Variants in CAPS2 observed in about 807,000 individuals in gnomAD.
The protein encoded by CAPS2 is calcyphosin-2.
A neutral mutation model predicts 86.5 loss-of-function variants in CAPS2; 98 were observed. The ratio of observed to expected loss-of-function variants is 1.13; its 90% CI spans 0.96 to 1.34. The LOEUF (loss-of-function observed/expected upper bound fraction) is 1.34, where lower values mean the gene tolerates loss of function less well. Ranked by LOEUF, CAPS2 falls within the 40% of genes most tolerant of loss-of-function variation. CAPS2 has a pLI of 0.00. For synonymous variants in CAPS2, 210 were observed against 225.1 expected (o/e 0.93, Z 0.60); for missense variants, 729 against 686.8 (o/e 1.06, Z -0.69).
intron 8 of CAPS2, among the ~76,000 whole-genome samples, chr12:75,300,543 C>G (rs4882686): frequency 0.21 from 24,976 of 118,754 alleles, 2,680 homozygotes; most frequent in South Asian, 0.42. Context: ...GCGACAGAGC[C>G]AGACTCCGTC....
upstream of CAPS2, among the ~76,000 whole-genome samples, chr12:75,328,561 T>C (rs2041003321): frequency 6.6e-6 from 1 of 152,168 alleles, no homozygotes; most frequent in South Asian, 2.1e-4. Context: ...GGGTAGTAAA[T>C]ATTTTGTTAA....
intron 1 of CAPS2, among the ~76,000 whole-genome samples, chr12:75,357,904 T>C (rs2043257351): frequency 6.8e-6 from 1 of 146,260 alleles, no homozygotes; most frequent in Non-Finnish European, 1.5e-5. Context: ...AAAAGAACAG[T>C]CTCCAGTCAA....
intron 1 of CAPS2, among the ~76,000 whole-genome samples, chr12:75,379,182 A>T (rs1020270145): frequency 1.3e-5 from 2 of 152,214 alleles, no homozygotes; most frequent in Non-Finnish European, 2.9e-5. Flanking sequence ...TTTAAAATTT[A>T]AAATTTTTTT....
intron 1 of CAPS2, among the ~76,000 whole-genome samples, chr12:75,387,904 C>A (rs2045373066): frequency 6.6e-6 from 1 of 152,162 alleles, no homozygotes; most frequent in East Asian, 1.9e-4. Context: ...TAGTTATGAT[C>A]CAGCAATCAT....
chr12:75,321,681 A>T, intron 4 of CAPS2, 105 bp from the exon 5 acceptor site: 1 of 784,888 alleles, frequency 1.3e-6, no homozygotes, highest in South Asian at 1.6e-5. Flanking sequence ...TTCCTTAAAA[A>T]TGACCATTAT....
intron 14 of CAPS2, among the ~76,000 whole-genome samples, chr12:75,285,702 G>C (rs922916427): frequency 1.3e-5 from 2 of 151,678 alleles, no homozygotes; most frequent in Non-Finnish European, 3.0e-5. Flanking sequence ...TAGATATATA[G>C]ATATGTGTGT....
intron 2 of CAPS2, among the ~76,000 whole-genome samples, chr12:75,323,831 TTATC>T (rs529450015): frequency 4.6e-5 from 7 of 152,220 alleles, no homozygotes; most frequent in South Asian, 2.1e-4. Flanking sequence ...GCTCTAGAGA[TTATC>T]TATGTATCTA....
chr12:75,312,793 T>A (rs1314554306), intron 7 of CAPS2, 55 bp downstream of exon 7: 2 of 1,052,364 alleles, frequency 1.9e-6, no homozygotes, highest in African/African-American at 1.6e-5. Flanking sequence ...TGCATGAAAA[T>A]AAATTTAATG....
At chr12:75,313,718 T>C (rs953677221) in intron 6 of CAPS2, among the ~76,000 whole-genome samples, 1 of 152,218 alleles carries the variant, frequency 6.6e-6, no homozygotes, top group Non-Finnish European at 1.5e-5. Flanking sequence ...TAAATTACTG[T>C]CATCCCCATT....
chr12:75,315,738 C>T (rs2039689302), intron 6 of CAPS2, among the ~76,000 whole-genome samples: 1 of 152,102 alleles, frequency 6.6e-6, no homozygotes, highest in Admixed American at 6.6e-5. Context: ...ACTTGGGTTT[C>T]TGGGGTGGTC....
At chr12:75,367,855 A>G (rs1449639551) in intron 1 of CAPS2, among the ~76,000 whole-genome samples, 1 of 152,152 alleles carries the variant, frequency 6.6e-6, no homozygotes, top group Non-Finnish European at 1.5e-5. Flanking sequence ...AGCTGTAACA[A>G]TAGACACACC....
rs1235322272 is a variant in CAPS2 at position 75,316,295 on chromosome 12, A to T, written c.591+17T>A. The stretch of plus-strand genomic sequence containing the variant: ...GATTAATGGCTCACCAAATAAGTAA[A>T]AATGCTGACAACTTACTGCATCCAA... On this transcript the variant is annotated intron_variant, in intron 6 of 16. Transcript: ENST00000393284. 1.9e-6 allele frequency: 3 copies of T among 1,549,744 alleles called. No individual in the cohort carries two copies. Among genetic ancestry groups the T allele is most frequent in the Non-Finnish European group, 2.6e-6 (3 of 1,145,916 alleles).
At chr12:75,362,872 T>C (rs1290425654) in intron 1 of CAPS2, among the ~76,000 whole-genome samples, 1 of 152,206 alleles carries the variant, frequency 6.6e-6, no homozygotes, top group Non-Finnish European at 1.5e-5. Flanking sequence ...CACATCTCAT[T>C]ATTCTTCTAT....
At chr12:75,362,471 A>G (rs1241689922) in intron 1 of CAPS2, among the ~76,000 whole-genome samples, 1 of 152,194 alleles carries the variant, frequency 6.6e-6, no homozygotes, top group African/African-American at 2.4e-5. Context: ...TAGTGACCAA[A>G]AACTTGACCA....
chr12:75,289,790 G>C lies in CAPS2; in HGVS notation c.1241-15C>G, dbSNP rs759592120. On this transcript the variant is annotated splice_polypyrimidine_tract_variant and intron_variant, in intron 13 of 16. Transcript: ENST00000393284. ...TTTTAGCACATCTGTTCAACAAGAAGAGAGATGAAAACAAATTGTTCCTAT... is the reference window on the plus strand; with the variant it reads ...TTTTAGCACATCTGTTCAACAAGAACAGAGATGAAAACAAATTGTTCCTAT... 8.8e-6 allele frequency: 14 copies of C among 1,595,042 alleles called. No homozygotes were observed. Among genetic ancestry groups the C allele is most frequent in the Non-Finnish European group, 1.2e-5 (14 of 1,169,776 alleles).
intron 1 of CAPS2, among the ~76,000 whole-genome samples, chr12:75,362,382 A>G (rs1234012844): frequency 2.0e-5 from 3 of 152,318 alleles, no homozygotes; most frequent in Admixed American, 1.3e-4. Flanking sequence ...GGGCCATGGT[A>G]TTCTCATGCA....
chr12:75,278,198 T>C, exon 17 of CAPS2: 1 of 979,202 alleles, frequency 1.0e-6, no homozygotes, highest in Non-Finnish European at 1.2e-6. Flanking sequence ...CAAATACAAC[T>C]GGGCATTAGA....
At chr12:75,298,520 C>A (rs973377168) in intron 11 of CAPS2, 167 bp downstream of exon 11, 2 of 530,362 alleles carry the variant, frequency 3.8e-6, no homozygotes, top group African/African-American at 1.9e-5. Context: ...GGCTGGGAAG[C>A]AGAAGCTCCT....
chr12:75,311,658 G>T (rs2039180651), intron 7 of CAPS2, among the ~76,000 whole-genome samples: 1 of 134,952 alleles, frequency 7.4e-6, no homozygotes, highest in African/African-American at 2.7e-5. Flanking sequence ...AGGGGAGAAA[G>T]GTAGGAGAAC....
Sources: gnomAD v4.1 joint callset for allele counts (sites outside exome capture counted in the v4.1 genomes callset) on GRCh38, gnomAD v4.1.1 for gene constraint, MANE v1.5 for transcripts, NCBI Gene and HGNC (gene_info 2026-07-23, HGNC 2026-07-21) for gene names.